TRIM59: variants seen among roughly 807,000 people sequenced by gnomAD.
The protein encoded by TRIM59 is tripartite motif-containing protein 59.
TRIM59 carries 14 observed loss-of-function variants against 32.2 expected under a neutral mutation model. That is an observed-to-expected ratio of 0.43 (90% CI 0.29 to 0.68). The LOEUF (loss-of-function observed/expected upper bound fraction) is 0.68, where lower values mean the gene tolerates loss of function less well. TRIM59 is among the 30% of genes least tolerant of loss of function. TRIM59 has a pLI of 0.15. For synonymous variants in TRIM59, 163 were observed against 155.1 expected, an observed-to-expected ratio of 1.05 and a Z score of -0.38; for missense variants, 471 against 463.3, an observed-to-expected ratio of 1.02 and a Z score of -0.15.
intron 2 of TRIM59, among the ~76,000 whole-genome samples, chr3:160,439,833 T>A (rs1719150505): frequency 6.6e-6 from 1 of 152,188 alleles, no homozygotes; most frequent in Non-Finnish European, 1.5e-5. Flanking sequence ...ATACACTACA[T>A]AATAAAGACT....
In TRIM59 at chr3:160,439,027, G is replaced by C; in HGVS notation, c.157C>G (p.Pro53Ala). The change falls in exon 3 of 3, where the codon CCA becomes GCA. Residue 53 changes from proline to alanine, a missense_variant. Pro to Ala is a conservative substitution (Grantham distance 27, BLOSUM62 -1). Coordinates refer to ENST00000309784, the MANE Select transcript of TRIM59 (RefSeq NM_173084.3). ...CTTCTGCAATTAGGGCACTTGAGTGGAATTCGTAAAGGTCTCCATATATAA... is the reference window on the plus strand; with the variant it reads ...CTTCTGCAATTAGGGCACTTGAGTGCAATTCGTAAAGGTCTCCATATATAA... ...NFYIWRPLRI[P>A]LKCPNCRSIT... The C allele has an allele frequency of 1.2e-6, 2 of 1,610,190 alleles. No homozygotes were observed. Among genetic ancestry groups the C allele is most frequent in the Non-Finnish European group, 1.7e-6 (2 of 1,178,014 alleles).
chr3:160,443,349 A>ACCT (rs2108518361), intron 2 of TRIM59, among the ~76,000 whole-genome samples: 1 of 152,336 alleles, frequency 6.6e-6, no homozygotes, highest in Non-Finnish European at 1.5e-5. Context: ...ACTGGAAACA[A>ACCT]TAAGACAATG....
rs775448782 is a variant in TRIM59, at chr3:160,438,406, G to C, written c.778C>G (p.His260Asp). 5.6e-6 allele frequency: 9 copies of C among 1,613,852 alleles called. No individual in the cohort carries two copies. Among genetic ancestry groups the C allele is most frequent in the Middle Eastern group, 1.6e-4 (1 of 6,082 alleles). The change falls in exon 3 of 3, where the codon CAT (histidine) becomes GAT (aspartate). Residue 260 changes from histidine to aspartate, a missense_variant. Transcript: ENST00000309784. The part of the protein sequence containing the change: ...FLEKVDDVRQ[H>D]VQILKQRPLP... The stretch of plus-strand genomic sequence containing the variant: ...GGTCTTTGTTTCAAGATCTGTACAT[G>C]CTGGCGTACATCATCAACTTTTTCA...
rs773222433 is a variant in TRIM59, at chr3:160,438,034, TC to T, written c.1149del (p.Asn384IlefsTer10). 6.3e-7 allele frequency: 1 copy of T among 1,590,154 alleles called. No homozygotes were observed. The highest frequency in any genetic ancestry group is 8.5e-7 in the Non-Finnish European group (1 of 1,173,548). On this transcript the variant is annotated frameshift_variant, in exon 3 of 3. Coordinates refer to ENST00000309784, the MANE Select transcript of TRIM59 (RefSeq NM_173084.3). LOFTEE classifies it high-confidence loss of function. ...AAATAGAAAATGTGACACAGTATAT[TC>T]TTTACCTTATGCAGACTGTTAGATA... ...QSLSNSLHKV[K>X]NILCHIFYLL...
chr3:160,448,812 G>T lies in TRIM59; in HGVS notation c.-73-17C>A, dbSNP rs1577021791. ...ATTCTTATTCTAAAATTAAAATAAT[G>T]TTATCTTTAATGTTTTCAATTTATT... On this transcript the variant is annotated splice_polypyrimidine_tract_variant and intron_variant, in intron 1 of 2. Coordinates refer to ENST00000309784, the MANE Select transcript of TRIM59 (RefSeq NM_173084.3). 8.4e-7 allele frequency: 1 copy of T among 1,184,360 alleles called. No homozygotes were observed. The highest frequency in any genetic ancestry group is 5.8e-5 in the East Asian group (1 of 17,100). 73.4% of individuals were successfully genotyped at this position (1,184,360 alleles called of 1,614,324 possible).
In TRIM59 at chr3:160,439,101, G is replaced by T; in HGVS notation, c.83C>A (p.Thr28Lys). The stretch of plus-strand genomic sequence containing the variant: ...GTTTTCCAAACAATTTCTACAAAAT[G>T]TATGAGAGCATGGCAGTACACGAGG... ...EDPRVLPCSH[T>K]FCRNCLENIL... The change falls in exon 3 of 3, where the codon ACA becomes AAA. Residue 28 changes from threonine to lysine, a missense_variant. Thr to Lys is a moderately conservative substitution (Grantham distance 78, BLOSUM62 -1). Transcript: ENST00000309784. 1 of 1,548,878 alleles carries T rather than the reference G, an allele frequency of 6.5e-7. No homozygotes were observed. The highest frequency in any genetic ancestry group is 1.8e-4 in the Middle Eastern group (1 of 5,710).
At chr3:160,442,764 C>A (rs1445509513) in intron 2 of TRIM59, among the ~76,000 whole-genome samples, 3 of 152,104 alleles carry the variant, frequency 2.0e-5, no homozygotes, top group Non-Finnish European at 2.9e-5. Context: ...GAAACTAGAA[C>A]TGAAAAATAA....
chr3:160,436,016 A>G lies in TRIM59; in HGVS notation c.*1956T>C, dbSNP rs1346737392. ...TACAGGGCACTTTTATGGTGTGACTAGTATTTTAAGTAATCAGTGCAACTT... is the reference window on the plus strand; with the variant it reads ...TACAGGGCACTTTTATGGTGTGACTGGTATTTTAAGTAATCAGTGCAACTT... On this transcript the variant is annotated 3_prime_UTR_variant, in exon 3 of 3. Transcript: ENST00000309784. 1 of 1,223,114 alleles carries G rather than the reference A, an allele frequency of 8.2e-7. No individual in the cohort carries two copies. Among genetic ancestry groups the G allele is most frequent in the East Asian group, 5.8e-5 (1 of 17,234 alleles). 75.8% of individuals were successfully genotyped at this position (1,223,114 alleles called of 1,614,324 possible).
At position 160,439,038 on chromosome 3, in the gene TRIM59, G is replaced by A; in HGVS notation, c.146C>T (p.Pro49Leu). 1 of 1,597,736 alleles carries A rather than the reference G, an allele frequency of 6.3e-7. No individual in the cohort carries two copies. The highest frequency in any genetic ancestry group is 8.5e-7 in the Non-Finnish European group (1 of 1,173,086). The stretch of plus-strand genomic sequence containing the variant: ...AGGGCACTTGAGTGGAATTCGTAAA[G>A]GTCTCCATATATAAAAGTTACCAGA... ...QASGNFYIWR[P>L]LRIPLKCPNC... Residue 49 changes from proline (P) to leucine (L), a missense_variant, in exon 3 of 3, where the codon CCT (proline) becomes CTT (leucine). Physicochemically the swap from Pro to Leu is moderately conservative, Grantham distance 98 (BLOSUM62 -3). Transcript: ENST00000309784.
intron 2 of TRIM59, among the ~76,000 whole-genome samples, chr3:160,446,427 T>A (rs1303602039): frequency 6.6e-6 from 1 of 151,682 alleles, no homozygotes; most frequent in Admixed American, 6.6e-5. Context: ...AAAAAAACAC[T>A]GTACCATGAC....
In TRIM59 at chr3:160,435,516, GA is replaced by G. The variant is rs1288717933; in HGVS notation, c.*2455del. ...AGACAGTGCAAATAAAATATCAAAAGAAGTTTATTAAAATACATATTTTGTT... is the reference window on the plus strand; with the variant it reads ...AGACAGTGCAAATAAAATATCAAAAGAGTTTATTAAAATACATATTTTGTT... On this transcript the variant is annotated 3_prime_UTR_variant, in exon 3 of 3. Coordinates refer to ENST00000309784, the MANE Select transcript of TRIM59 (RefSeq NM_173084.3). 1.8e-5 allele frequency: 3 copies of G among 171,008 alleles called. No homozygotes were observed. The highest frequency in any genetic ancestry group is 2.6e-3 in the Middle Eastern group (1 of 380). The allele number at this position is 171,008 out of a possible 1,614,324, so 10.6% of individuals were successfully genotyped here.
intron 2 of TRIM59, among the ~76,000 whole-genome samples, chr3:160,441,866 AGC>A (rs1719272081): frequency 6.6e-6 from 1 of 152,228 alleles, no homozygotes; most frequent in Non-Finnish European, 1.5e-5. Context: ...TGAACTGTAG[AGC>A]ATTCCAGCAA....
chr3:160,436,026 G>A lies in TRIM59; in HGVS notation c.*1946C>T. 8.2e-7 allele frequency: 1 copy of A among 1,218,588 alleles called. No individual in the cohort carries two copies. 75.5% of individuals were successfully genotyped at this position (1,218,588 alleles called of 1,614,324 possible). On this transcript the variant is annotated 3_prime_UTR_variant, in exon 3 of 3. Coordinates refer to ENST00000309784, the MANE Select transcript of TRIM59 (RefSeq NM_173084.3). The stretch of plus-strand genomic sequence containing the variant: ...TTTTATGGTGTGACTAGTATTTTAA[G>A]TAATCAGTGCAACTTAGTATTTTTA...
Position 160,437,017 on chromosome 3 carries a change from T to C in TRIM59, c.*955A>G, listed in dbSNP as rs1168872243. The C allele has an allele frequency of 6.1e-6, 6 of 984,626 alleles. No individual in the cohort carries two copies. In the East Asian group the frequency reaches 3.4e-4, roughly 56 times the overall value. 61.0% of individuals were successfully genotyped at this position (984,626 alleles called of 1,614,324 possible). On this transcript the variant is annotated 3_prime_UTR_variant, in exon 3 of 3. Coordinates refer to ENST00000309784, the MANE Select transcript of TRIM59 (RefSeq NM_173084.3). ...GACTGACGAGCAGAAAAAAAAACAA[T>C]CTTAAATTTGCACAAACTATAGAAT...
chr3:160,449,457 G>C (rs1040894020), intron 1 of TRIM59: 1 of 1,166,978 alleles, frequency 8.6e-7, no homozygotes, highest in Admixed American at 3.7e-5. Flanking sequence ...ACTCGGCGGC[G>C]TCCGCTCAGC....
At chr3:160,439,752 A>G (rs1719145327) in intron 2 of TRIM59, among the ~76,000 whole-genome samples, 1 of 152,228 alleles carries the variant, frequency 6.6e-6, no homozygotes, top group African/African-American at 2.4e-5. Flanking sequence ...CTGTGAGTCC[A>G]TTAAACCTCT....
At chr3:160,442,688 T>C in intron 2 of TRIM59, among the ~76,000 whole-genome samples, 1 of 152,378 alleles carries the variant, frequency 6.6e-6, no homozygotes, top group East Asian at 1.9e-4. Context: ...TCAAAATCTA[T>C]TCTCAGACTA....
rs746880996 is a variant in TRIM59, at chr3:160,439,144, AAC to A, written c.38_39del (p.Cys13LeufsTer2). 1.2e-5 allele frequency: 18 copies of A among 1,512,420 alleles called. No homozygotes were observed. The highest frequency in any genetic ancestry group is 1.6e-5 in the Non-Finnish European group (18 of 1,132,492). The allele number at this position is 1,512,420 out of a possible 1,614,324, so 93.7% of individuals were successfully genotyped here. ...ACACGAGGATCTTCAAAAATACTAT[AAC>A]ATATGGGACAAGTTAACTCTTCCTC... is the stretch of plus-strand genomic sequence containing the variant. Reference protein sequence around the residue: ...NFEEELTCPICYSIFEDPRVL... With the variant: ...NFEEELTCPIXYSIFEDPRVL... On this transcript the variant is annotated frameshift_variant, in exon 3 of 3. Coordinates refer to ENST00000309784, the MANE Select transcript of TRIM59 (RefSeq NM_173084.3). LOFTEE classifies it high-confidence loss of function.
chr3:160,448,808 T>A lies in TRIM59; in HGVS notation c.-73-13A>T. 1 of 1,196,622 alleles carries A rather than the reference T, an allele frequency of 8.4e-7. No individual in the cohort carries two copies. The highest frequency in any genetic ancestry group is 1.1e-6 in the Non-Finnish European group (1 of 920,554). 74.1% of individuals were successfully genotyped at this position (1,196,622 alleles called of 1,614,324 possible). A position where few individuals can be genotyped will look rare whatever the true frequency, so the allele number is the denominator to read the frequency against. On this transcript the variant is annotated splice_polypyrimidine_tract_variant and intron_variant, in intron 1 of 2. Coordinates refer to ENST00000309784, the MANE Select transcript of TRIM59 (RefSeq NM_173084.3). The stretch of plus-strand genomic sequence containing the variant: ...TTTTATTCTTATTCTAAAATTAAAA[T>A]AATGTTATCTTTAATGTTTTCAATT...
Sources: allele counts gnomAD v4.1 joint callset (sites outside exome capture counted in the v4.1 genomes callset), GRCh38; gene constraint gnomAD v4.1.1; transcripts MANE v1.5; gene names NCBI Gene and HGNC (gene_info 2026-07-23, HGNC 2026-07-21).